The following XYLT1 variants were observed in gnomAD, a reference collection of about 807,000 sequenced individuals.
The protein encoded by XYLT1 is beta-D-xylosyltransferase 1.
In XYLT1, 36 loss-of-function variants were observed where a neutral mutation model predicts 91.3. The observed-to-expected ratio is 0.39, with a 90% confidence interval of 0.30 to 0.52. The LOEUF is 0.52. XYLT1 is among the 20% of genes least tolerant of loss of function. The probability of loss-of-function intolerance (pLI) is 0.68; values close to 1 mark genes in which losing one functional copy is unlikely to be tolerated. For missense variants in XYLT1, 1,242 were observed against 1,284.5 expected (o/e 0.97, Z 0.51); for synonymous variants, 588 against 532.0 (o/e 1.11, Z -1.45).
At chr16:17,252,887 G>T (rs536595921) in intron 3 of XYLT1, among the ~76,000 whole-genome samples, 2 of 152,224 alleles carry the variant, frequency 1.3e-5, no homozygotes, top group Admixed American at 1.3e-4. Context: ...AAGTTTAGGT[G>T]ATGTTGCGTA....
At chr16:17,291,208 G>T (rs1310628516) in intron 2 of XYLT1, among the ~76,000 whole-genome samples, 2 of 152,192 alleles carry the variant, frequency 1.3e-5, no homozygotes, top group Admixed American at 6.5e-5. Flanking sequence ...TTGCCATGTT[G>T]CCACAGGGCT....
chr16:17,226,117 A>C (rs2033061703), intron 3 of XYLT1, among the ~76,000 whole-genome samples: 1 of 152,158 alleles, frequency 6.6e-6, no homozygotes. Context: ...GTTATGGTTA[A>C]ATGATGAAGT....
At chr16:17,254,993 TTTC>T (rs1014637678) in intron 3 of XYLT1, among the ~76,000 whole-genome samples, 10 of 130,556 alleles carry the variant, frequency 7.7e-5, no homozygotes, top group African/African-American at 2.5e-4. Context: ...TTTTTTTCTT[TTTC>T]TTTTTTTTTT....
At chr16:17,357,496 G>A (rs920589027) in intron 2 of XYLT1, among the ~76,000 whole-genome samples, 1 of 152,078 alleles carries the variant, frequency 6.6e-6, no homozygotes, top group South Asian at 2.1e-4. Context: ...TACAAGACCC[G>A]CTGGTCATCC....
intron 1 of XYLT1, among the ~76,000 whole-genome samples, chr16:17,389,706 G>A (rs2035791344): frequency 6.6e-6 from 1 of 152,180 alleles, no homozygotes; most frequent in South Asian, 2.1e-4. Context: ...GAAAAATAAA[G>A]TGAAATATAC....
intron 7 of XYLT1, among the ~76,000 whole-genome samples, chr16:17,140,562 G>A (rs994540148): frequency 6.6e-6 from 1 of 150,954 alleles, no homozygotes; most frequent in Non-Finnish European, 1.5e-5. Flanking sequence ...TCAGGAGGCT[G>A]AGGCAGCAGA....
chr16:17,425,214 C>T (rs1205447226), intron 1 of XYLT1, among the ~76,000 whole-genome samples: 2 of 152,164 alleles, frequency 1.3e-5, no homozygotes, highest in African/African-American at 2.4e-5. Flanking sequence ...TTTTACTCAG[C>T]GCTTGCAATT....
At chr16:17,310,460 T>A (rs35641105) in intron 2 of XYLT1, among the ~76,000 whole-genome samples, 35,070 of 152,108 alleles carry the variant, frequency 0.23, 4,323 homozygotes, top group Middle Eastern at 0.32. Flanking sequence ...CAGATAGTGA[T>A]GTGGCCTGAG....
intron 1 of XYLT1, among the ~76,000 whole-genome samples, chr16:17,363,111 C>A (rs1287374593): frequency 6.6e-6 from 1 of 152,168 alleles, no homozygotes; most frequent in African/African-American, 2.4e-5. Flanking sequence ...TTGCAGATCA[C>A]AGCGAATGAA....
At chr16:17,168,147 T>G (rs2031741935) in intron 5 of XYLT1, among the ~76,000 whole-genome samples, 1 of 152,194 alleles carries the variant, frequency 6.6e-6, no homozygotes, top group Non-Finnish European at 1.5e-5. Context: ...CACTTGTATG[T>G]TCACTGAAGC....
intron 2 of XYLT1, among the ~76,000 whole-genome samples, chr16:17,271,299 G>A (rs2033886505): frequency 6.6e-6 from 1 of 152,108 alleles, no homozygotes; most frequent in Non-Finnish European, 1.5e-5. Flanking sequence ...AAGATCCAGA[G>A]AGAAAGGGGG....
chr16:17,321,342 C>CTTTTT lies in XYLT1; in HGVS notation c.402+36665_402+36669dup, dbSNP rs10606202. 2.5e-3 allele frequency among the ~76,000 whole-genome samples: 108 copies of CTTTTT among 43,622 alleles called. 22 individuals carry two copies. The highest frequency in any genetic ancestry group is 8.2e-3 in the East Asian group (8 of 978). 28.6% of individuals were successfully genotyped at this position (43,622 alleles called of 152,430 possible). On this transcript the variant is annotated intron_variant, in intron 2 of 11. Coordinates refer to ENST00000261381, the MANE Select transcript of XYLT1 (RefSeq NM_022166.4). Reference sequence around the variant, plus strand: ...GACAGTTCCCAAAGTACTAACTAGCCTTTTTTTTTTTTTTTTTTTTTTTTT... The same window carrying CTTTTT: ...GACAGTTCCCAAAGTACTAACTAGCCTTTTTTTTTTTTTTTTTTTTTTTTTTTTTT...
chr16:17,124,155 T>C (rs1250364675), intron 10 of XYLT1, among the ~76,000 whole-genome samples: 4 of 152,226 alleles, frequency 2.6e-5, no homozygotes, highest in Admixed American at 1.3e-4. Context: ...GAGGTACTAT[T>C]CTATTCATCA....
At chr16:17,118,273 T>TGAATGAAC (rs1555478655) in intron 10 of XYLT1, among the ~76,000 whole-genome samples, 1 of 96,886 alleles carries the variant, frequency 1.0e-5, no homozygotes, top group Non-Finnish European at 2.5e-5. Context: ...GCTGAATGAG[T>TGAATGAAC]GAATGAATGA....
intron 1 of XYLT1, among the ~76,000 whole-genome samples, chr16:17,388,894 G>C (rs2035781675): frequency 6.6e-6 from 1 of 152,178 alleles, no homozygotes; most frequent in Admixed American, 6.5e-5. Flanking sequence ...GAAGAAGAGA[G>C]TCTGATCCAA....
intron 1 of XYLT1, among the ~76,000 whole-genome samples, chr16:17,466,538 T>C (rs1828571121): frequency 6.6e-6 from 1 of 152,172 alleles, no homozygotes; most frequent in African/African-American, 2.4e-5. Flanking sequence ...ACTTGAACAG[T>C]CACCAGTAAA....
intron 1 of XYLT1, among the ~76,000 whole-genome samples, chr16:17,359,172 T>G (rs1201851663): frequency 6.6e-6 from 1 of 152,168 alleles, no homozygotes; most frequent in Non-Finnish European, 1.5e-5. Flanking sequence ...GATTTATAAT[T>G]CTGGGAAAAA....
chr16:17,344,253 C>T (rs570595753), intron 2 of XYLT1, among the ~76,000 whole-genome samples: 8 of 150,688 alleles, frequency 5.3e-5, no homozygotes, highest in South Asian at 2.1e-4. Context: ...GAGGCCAAGG[C>T]GGGCGGATCA....
chr16:17,383,769 C>T (rs531159554), intron 1 of XYLT1, among the ~76,000 whole-genome samples: 17 of 75,622 alleles, frequency 2.2e-4, no homozygotes, highest in East Asian at 1.5e-3. Context: ...TTTTTTGAGA[C>T]GGAGTTTCAC....
Sources: allele counts gnomAD v4.1 joint callset (sites outside exome capture counted in the v4.1 genomes callset), GRCh38; gene constraint gnomAD v4.1.1; transcripts MANE v1.5; gene names NCBI Gene and HGNC (gene_info 2026-07-23, HGNC 2026-07-21).